Variants in CTNNA3 observed in about 807,000 individuals in gnomAD.
CTNNA3 encodes the protein catenin alpha-3.
A neutral mutation model predicts 95.7 loss-of-function variants in CTNNA3; 76 were observed. That is an observed-to-expected ratio of 0.79 (90% CI 0.66 to 0.96). The LOEUF (loss-of-function observed/expected upper bound fraction) is 0.96, where lower values mean the gene tolerates loss of function less well. Among genes scored for constraint, CTNNA3 ranks in the 40% least tolerant of loss-of-function variants. The probability of loss-of-function intolerance (pLI) is 0.00; values close to 1 mark genes in which losing one functional copy is unlikely to be tolerated. For missense variants in CTNNA3, 1,191 were observed against 1,089.8 expected, an observed-to-expected ratio of 1.09 and a Z score of -1.31; for synonymous variants, 431 against 374.4, an observed-to-expected ratio of 1.15 and a Z score of -1.74.
chr10:66,288,831 A>T (rs74338246), intron 12 of CTNNA3, among the ~76,000 whole-genome samples: 11,064 of 152,034 alleles, frequency 0.073, 1,189 homozygotes, highest in African/African-American at 0.24. Flanking sequence ...AAAAACCCTA[A>T]AGAAACCCTC....
intron 1 of CTNNA3, among the ~76,000 whole-genome samples, chr10:67,673,823 C>A (rs914224690): frequency 2.2e-5 from 3 of 137,302 alleles, no homozygotes; most frequent in African/African-American, 8.0e-5. Context: ...CTTCTTACCT[C>A]TAGACTTCTT....
chr10:66,478,562 G>T (rs1032127316), intron 11 of CTNNA3, among the ~76,000 whole-genome samples: 1 of 151,336 alleles, frequency 6.6e-6, no homozygotes. Flanking sequence ...TTAAATTTTT[G>T]ATGAAAAAAT....
intron 7 of CTNNA3, among the ~76,000 whole-genome samples, chr10:66,993,385 C>T (rs1418127967): frequency 6.6e-6 from 1 of 152,166 alleles, no homozygotes; most frequent in Non-Finnish European, 1.5e-5. Context: ...AAGTAGACTG[C>T]ACCTCTTGAT....
chr10:67,083,642 T>A (rs1461410412), intron 7 of CTNNA3, among the ~76,000 whole-genome samples: 1 of 152,194 alleles, frequency 6.6e-6, no homozygotes, highest in East Asian at 1.9e-4. Context: ...AATAAGAACT[T>A]GTGCATGTAT....
intron 6 of CTNNA3, among the ~76,000 whole-genome samples, chr10:67,197,872 A>G (rs1863449979): frequency 6.6e-6 from 1 of 152,174 alleles, no homozygotes; most frequent in Non-Finnish European, 1.5e-5. Context: ...GTATTAGCCT[A>G]TAAGTGCCAC....
rs1554873391 is a variant in CTNNA3 at position 67,664,577 on chromosome 10, G to GC, written c.-5-17060_-5-17059insG. On this transcript the variant is annotated intron_variant, in intron 1 of 17. Transcript: ENST00000433211. ...TGAGAATTGCTGCATTTATTTTATTGTTTTTTTTCTTACTCCTGGCTCTGT... is the reference window on the plus strand; with the variant it reads ...TGAGAATTGCTGCATTTATTTTATTGCTTTTTTTTCTTACTCCTGGCTCTGT... Among the ~76,000 whole-genome samples the GC allele has an allele frequency of 4.0e-5, 6 of 151,620 alleles. No individual in the cohort carries two copies. The East Asian group carries it at 9.7e-4, about 24-fold the overall frequency.
At chr10:67,614,958 C>A (rs1219295577) in intron 2 of CTNNA3, among the ~76,000 whole-genome samples, 1 of 152,132 alleles carries the variant, frequency 6.6e-6, no homozygotes, top group Non-Finnish European at 1.5e-5. Flanking sequence ...CTGATAAGGA[C>A]ACCAGTCATA....
intron 11 of CTNNA3, among the ~76,000 whole-genome samples, chr10:66,444,488 CTA>C (rs2093402329): frequency 6.6e-6 from 1 of 152,166 alleles, no homozygotes; most frequent in African/African-American, 2.4e-5. Flanking sequence ...GGCAAAAACT[CTA>C]CAAGCCAGAA....
intron 11 of CTNNA3, among the ~76,000 whole-genome samples, chr10:66,437,524 T>G (rs1332418535): frequency 6.6e-6 from 1 of 152,132 alleles, no homozygotes; most frequent in Non-Finnish European, 1.5e-5. Flanking sequence ...CATGCTGTGT[T>G]TTTCAGCTCC....
chr10:67,744,697 A>G (rs1455181641), intron 1 of CTNNA3, among the ~76,000 whole-genome samples: 4 of 150,692 alleles, frequency 2.7e-5, no homozygotes, highest in Non-Finnish European at 4.4e-5. Context: ...AAAAGAAACT[A>G]CCATCAGAGT....
intron 7 of CTNNA3, among the ~76,000 whole-genome samples, chr10:66,889,234 T>A (rs1392302164): frequency 6.6e-6 from 1 of 152,160 alleles, no homozygotes; most frequent in Non-Finnish European, 1.5e-5. Flanking sequence ...GAGAGAGGGA[T>A]GAATAGGTGG....
At chr10:67,003,420 T>C (rs946816933) in intron 7 of CTNNA3, among the ~76,000 whole-genome samples, 4 of 152,244 alleles carry the variant, frequency 2.6e-5, no homozygotes, top group South Asian at 4.2e-4. Flanking sequence ...TCCAAGTATT[T>C]CAGTCTTAGG....
chr10:67,051,576 C>T (rs962953938), intron 7 of CTNNA3, among the ~76,000 whole-genome samples: 4 of 151,424 alleles, frequency 2.6e-5, no homozygotes, highest in African/African-American at 9.7e-5. Flanking sequence ...TCTCCTGCCT[C>T]AATCAGGAGA....
chr10:66,167,076 C>G (rs1477497223), intron 13 of CTNNA3, among the ~76,000 whole-genome samples: 1 of 152,104 alleles, frequency 6.6e-6, no homozygotes, highest in Non-Finnish European at 1.5e-5. Flanking sequence ...AGTATTGTAA[C>G]ATGCAATATG....
rs1441036768 is a variant in CTNNA3, at chr10:66,405,806, A to C, written c.1532-26454T>G. Among the ~76,000 whole-genome samples, 8 of 152,232 alleles carry C rather than the reference A, an allele frequency of 5.3e-5. No individual in the cohort carries two copies. The East Asian group carries it at 1.4e-3, about 26-fold the overall frequency. ...CTTGACAACCTGCCTCTTAAAACAG[A>C]TTTCAAACTAAACCTCCTGGTTTTG... is the stretch of plus-strand genomic sequence containing the variant. On this transcript the variant is annotated intron_variant, in intron 11 of 17. Coordinates refer to ENST00000433211, the MANE Select transcript of CTNNA3 (RefSeq NM_013266.4).
intron 5 of CTNNA3, among the ~76,000 whole-genome samples, chr10:67,295,427 C>G (rs913491634): frequency 6.6e-6 from 1 of 152,128 alleles, no homozygotes; most frequent in Non-Finnish European, 1.5e-5. Flanking sequence ...GTAAGATATA[C>G]AGGTACTTTC....
chr10:67,185,215 AC>A (rs1862777754), intron 6 of CTNNA3, among the ~76,000 whole-genome samples: 1 of 151,098 alleles, frequency 6.6e-6, no homozygotes, highest in Admixed American at 6.6e-5. Flanking sequence ...TGCAACCTCT[AC>A]CCCCAAATTC....
chr10:67,147,085 T>A (rs374512053), intron 7 of CTNNA3, among the ~76,000 whole-genome samples: 1 of 152,168 alleles, frequency 6.6e-6, no homozygotes, highest in African/African-American at 2.4e-5. Flanking sequence ...TCCCCACTGT[T>A]AAGCAACACA....
chr10:67,381,163 C>T (rs995956510), intron 5 of CTNNA3, among the ~76,000 whole-genome samples: 1 of 152,130 alleles, frequency 6.6e-6, no homozygotes, highest in Non-Finnish European at 1.5e-5. Flanking sequence ...TCAATATTCC[C>T]ATTTGCTAGC....
Sources: allele counts gnomAD v4.1 joint callset (sites outside exome capture counted in the v4.1 genomes callset), GRCh38; gene constraint gnomAD v4.1.1; transcripts MANE v1.5; gene names NCBI Gene and HGNC (gene_info 2026-07-23, HGNC 2026-07-21).